The following PTPRN2 variants were observed in gnomAD, a reference collection of about 807,000 sequenced individuals.
The protein encoded by PTPRN2 is receptor-type tyrosine-protein phosphatase N2.
A neutral mutation model predicts 118.8 loss-of-function variants in PTPRN2; 74 were observed. That is an observed-to-expected ratio of 0.62 (90% CI 0.52 to 0.76). The LOEUF is 0.76. Among genes scored for constraint, PTPRN2 ranks in the 30% least tolerant of loss-of-function variants. The pLI, the probability that PTPRN2 is intolerant of heterozygous loss-of-function variation, is 0.00. For synonymous variants in PTPRN2, 641 were observed against 608.0 expected, an observed-to-expected ratio of 1.05 and a Z score of -0.80; for missense variants, 1,481 against 1,394.4, an observed-to-expected ratio of 1.06 and a Z score of -0.99.
chr7:158,340,111 A>AGACGTCACTCACACCCACACTCTCT (rs1806377009), intron 2 of PTPRN2, among the ~76,000 whole-genome samples: 4 of 23,314 alleles, frequency 1.7e-4, no homozygotes, highest in Admixed American at 4.5e-4. Context: ...CCACACTCGC[A>AGACGTCACTCACACCCACACTCTCT]CCATAAGAGG....
At chr7:157,553,965 C>T (rs1798762598) in intron 21 of PTPRN2, among the ~76,000 whole-genome samples, 1 of 134,470 alleles carries the variant, frequency 7.4e-6, no homozygotes, top group South Asian at 2.5e-4. Flanking sequence ...ATGGGTACGG[C>T]CAGGCCGGGC....
At chr7:158,024,311 C>T (rs1234696110) in intron 11 of PTPRN2, among the ~76,000 whole-genome samples, 1 of 152,174 alleles carries the variant, frequency 6.6e-6, no homozygotes, top group Non-Finnish European at 1.5e-5. Context: ...CTCAGCAAAC[C>T]TACAGTCAGT....
intron 12 of PTPRN2, among the ~76,000 whole-genome samples, chr7:157,859,607 C>T (rs1382269077): frequency 2.0e-5 from 1 of 49,274 alleles, no homozygotes; most frequent in Admixed American, 1.5e-4. Flanking sequence ...GCAGGGAGAG[C>T]CCCCCAGCCA....
At position 157,788,151 on chromosome 7, in the gene PTPRN2, G is replaced by A. The variant is rs551082228; in HGVS notation, c.1789-105214C>T. On this transcript the variant is annotated intron_variant, in intron 12 of 22. Transcript: ENST00000389418. Reference sequence around the variant, plus strand: ...AGCACTTTGGGAGGCTGAGGCGGGCGGATCACGAGGTCAGGAGATCGAGAT... The same window carrying A: ...AGCACTTTGGGAGGCTGAGGCGGGCAGATCACGAGGTCAGGAGATCGAGAT... Among the ~76,000 whole-genome samples the A allele has an allele frequency of 2.5e-4, 38 of 152,244 alleles. No individual in the cohort carries two copies. In the East Asian group the frequency reaches 5.0e-3, roughly 20 times the overall value.
chr7:157,755,404 C>T (rs1700773466), intron 12 of PTPRN2, among the ~76,000 whole-genome samples: 1 of 151,968 alleles, frequency 6.6e-6, no homozygotes, highest in African/African-American at 2.4e-5. Context: ...GTATTTCAGC[C>T]TTTCTTGAGA....
At chr7:157,891,047 C>A (rs181028311) in intron 12 of PTPRN2, among the ~76,000 whole-genome samples, 18 of 152,326 alleles carry the variant, frequency 1.2e-4, no homozygotes, top group Admixed American at 3.3e-4. Context: ...GGCAAAGGCC[C>A]CCCTCTGTCC....
rs533347888 is a variant in PTPRN2, at chr7:157,904,542, G to A, written c.1724-5805C>T. On this transcript the variant is annotated intron_variant, in intron 11 of 22. Transcript: ENST00000389418. The stretch of plus-strand genomic sequence containing the variant: ...GGGAGTCTCACAAAGCACAGAATCC[G>A]GGTCCCGGAGTCCCCAGAGTCCAGC... 9.8e-5 allele frequency among the ~76,000 whole-genome samples: 15 copies of A among 152,332 alleles called. No individual in the cohort carries two copies. In the East Asian group the frequency reaches 2.9e-3, roughly 29 times the overall value.
intron 2 of PTPRN2, among the ~76,000 whole-genome samples, chr7:158,390,712 C>A (rs986106360): frequency 2.6e-5 from 4 of 152,262 alleles, no homozygotes; most frequent in African/African-American, 4.8e-5. Context: ...CCCCTCAGCT[C>A]TCAGCGCACT....
chr7:157,849,303 T>G (rs1177861889), intron 12 of PTPRN2, among the ~76,000 whole-genome samples: 2 of 152,182 alleles, frequency 1.3e-5, no homozygotes, highest in Non-Finnish European at 2.9e-5. Flanking sequence ...GCCACCGTCA[T>G]TCCCAGTGTG....
chr7:158,243,139 A>G (rs1349790198), intron 3 of PTPRN2, among the ~76,000 whole-genome samples: 1 of 152,220 alleles, frequency 6.6e-6, no homozygotes, highest in Non-Finnish European at 1.5e-5. Flanking sequence ...CTAACCCAGG[A>G]AGCTGGAGTG....
intron 12 of PTPRN2, among the ~76,000 whole-genome samples, chr7:157,771,081 C>T (rs1481740304): frequency 2.6e-5 from 4 of 152,242 alleles, no homozygotes; most frequent in Non-Finnish European, 5.9e-5. Context: ...AACTCGCTGC[C>T]ATTCTGTGAG....
chr7:158,100,150 G>A (rs1000812945), intron 10 of PTPRN2, among the ~76,000 whole-genome samples: 1 of 151,834 alleles, frequency 6.6e-6, no homozygotes, highest in African/African-American at 2.4e-5. Flanking sequence ...CCATTCCTGA[G>A]TTACTTCATT....
chr7:158,238,309 C>A (rs1184583925), intron 3 of PTPRN2, among the ~76,000 whole-genome samples: 2 of 152,044 alleles, frequency 1.3e-5, no homozygotes, highest in Non-Finnish European at 2.9e-5. Flanking sequence ...ACCGTCCTCC[C>A]CTCCCTCCTG....
intron 2 of PTPRN2, among the ~76,000 whole-genome samples, chr7:158,451,766 G>A (rs1330879851): frequency 1.3e-5 from 2 of 152,126 alleles, no homozygotes; most frequent in Non-Finnish European, 2.9e-5. Context: ...AACTTCCCAG[G>A]AGTCAGGCTG....
intron 2 of PTPRN2, among the ~76,000 whole-genome samples, chr7:158,382,805 G>A (rs1022884033): frequency 6.6e-6 from 1 of 152,162 alleles, no homozygotes; most frequent in Non-Finnish European, 1.5e-5. Flanking sequence ...GAACAGAGAG[G>A]TCTGACTGCA....
intron 2 of PTPRN2, among the ~76,000 whole-genome samples, chr7:158,350,590 C>T (rs529192320): frequency 3.3e-5 from 5 of 152,328 alleles, no homozygotes; most frequent in African/African-American, 1.2e-4. Flanking sequence ...GTCCCCATCA[C>T]CCCATTGGAT....
chr7:158,568,561 G>A (rs776511967), intron 1 of PTPRN2, among the ~76,000 whole-genome samples: 4 of 152,010 alleles, frequency 2.6e-5, no homozygotes, highest in Non-Finnish European at 5.9e-5. Context: ...TCATATGACT[G>A]ACTTGTATTA....
At chr7:157,853,531 A>G (rs1809449835) in intron 12 of PTPRN2, among the ~76,000 whole-genome samples, 2 of 151,332 alleles carry the variant, frequency 1.3e-5, no homozygotes, top group South Asian at 4.2e-4. Flanking sequence ...AAAATCCAGC[A>G]CAAGCCCCGT....
chr7:158,139,344 C>G (rs112752233), intron 6 of PTPRN2, among the ~76,000 whole-genome samples: 244 of 152,190 alleles, frequency 1.6e-3, no homozygotes, highest in African/African-American at 5.2e-3. Context: ...AAATTTATGT[C>G]CATTACGGGT....
Sources: allele counts gnomAD v4.1 joint callset (sites outside exome capture counted in the v4.1 genomes callset), GRCh38; gene constraint gnomAD v4.1.1; transcripts MANE v1.5; gene names NCBI Gene and HGNC (gene_info 2026-07-23, HGNC 2026-07-21).